RNASEH1: variants seen among roughly 807,000 people sequenced by gnomAD.
RNASEH1 encodes ribonuclease H type II.
RNASEH1 carries 27 observed loss-of-function variants against 34.6 expected under a neutral mutation model. That is an observed-to-expected ratio of 0.78 (90% CI 0.58 to 1.08). The LOEUF (loss-of-function observed/expected upper bound fraction) is 1.08, where lower values mean the gene tolerates loss of function less well. Ranked by LOEUF, RNASEH1 falls within the 50% of genes least tolerant of loss-of-function variation. The probability of loss-of-function intolerance (pLI) is 0.00; values close to 1 mark genes in which losing one functional copy is unlikely to be tolerated. For missense variants in RNASEH1, 349 were observed against 373.6 expected (o/e 0.93, Z 0.54); for synonymous variants, 162 against 138.4 (o/e 1.17, Z -1.20).
chr2:3,558,264 T>G lies in RNASEH1; in HGVS notation c.-4A>C. 6.3e-7 allele frequency: 1 copy of G among 1,577,032 alleles called. No individual in the cohort carries two copies. Among genetic ancestry groups the G allele is most frequent in the South Asian group, 1.2e-5 (1 of 86,690 alleles). Reference sequence around the variant, plus strand: ...CCAGGAACAGAAGCCAGCTCATCGCTCACTCCCGGCACCGGGAAGCATTTC... The same window carrying G: ...CCAGGAACAGAAGCCAGCTCATCGCGCACTCCCGGCACCGGGAAGCATTTC... On this transcript the variant is annotated 5_prime_UTR_variant, in exon 1 of 8. Transcript: ENST00000315212.
At chr2:3,557,911 T>G (rs1660680982) in intron 1 of RNASEH1, 1 of 1,521,598 alleles carries the variant, frequency 6.6e-7, no homozygotes, top group Admixed American at 2.0e-5. Flanking sequence ...GCGACGTTTC[T>G]GATATTTCAA....
intron 7 of RNASEH1, among the ~76,000 whole-genome samples, chr2:3,547,397 A>T (rs1414219344): frequency 6.6e-6 from 1 of 152,000 alleles, no homozygotes; most frequent in Non-Finnish European, 1.5e-5. Flanking sequence ...GCTGGTCTCG[A>T]ACTTCTTGGC....
At chr2:3,557,748 TA>T (rs1043412925) in intron 1 of RNASEH1, 1 of 665,812 alleles carries the variant, frequency 1.5e-6, no homozygotes, top group African/African-American at 1.9e-5. Flanking sequence ...AAGGGAAGAT[TA>T]GGTACTGAGT....
chr2:3,549,167 A>ATTC (rs1365865873), intron 4 of RNASEH1, 55 bp from the exon 5 acceptor site: 2 of 1,257,038 alleles, frequency 1.6e-6, no homozygotes, highest in South Asian at 2.4e-5. Flanking sequence ...TCTCAAAGTG[A>ATTC]TTCTTCTTAA....
At chr2:3,532,832 T>C in the RNASEH1 span, among the ~76,000 whole-genome samples, 1 of 152,164 alleles carries the variant, frequency 6.6e-6, no homozygotes, top group Admixed American at 6.5e-5. Context: ...CCTGATGTGC[T>C]GTAGAAATCA....
At chr2:3,553,856 G>C (rs1284041502) in intron 2 of RNASEH1, among the ~76,000 whole-genome samples, 2 of 152,178 alleles carry the variant, frequency 1.3e-5, no homozygotes, top group East Asian at 3.8e-4. Context: ...TCCGTCAACT[G>C]AATTAAACCC....
intron 2 of RNASEH1, 30 bp from the exon 3 acceptor site, chr2:3,552,338 G>A (rs1660022447): frequency 1.2e-6 from 2 of 1,601,584 alleles, no homozygotes; most frequent in Non-Finnish European, 1.7e-6. Flanking sequence ...TCGTGAGCTG[G>A]AAACAATGAA....
intron 2 of RNASEH1, among the ~76,000 whole-genome samples, chr2:3,555,499 C>T (rs1162988539): frequency 6.6e-6 from 1 of 152,214 alleles, no homozygotes; most frequent in Admixed American, 6.5e-5. Context: ...TGCAAACTAA[C>T]TCTTCAGGGA....
rs985176323 is a variant in RNASEH1 at position 3,544,182 on chromosome 2, C to T, written c.*1603G>A. ...CCCAAATAATTAATGGATCTTGGCA[C>T]TGAGCATCAGCTGCCGTCAACATGG... On this transcript the variant is annotated 3_prime_UTR_variant, in exon 8 of 8. Transcript: ENST00000315212. 6.6e-6 allele frequency among the ~76,000 whole-genome samples: 1 copy of T among 152,202 alleles called. No homozygotes were observed. Among genetic ancestry groups the T allele is most frequent in the Non-Finnish European group, 1.5e-5 (1 of 68,040 alleles).
intron 1 of RNASEH1, chr2:3,557,850 CA>C (rs1276363716): frequency 7.0e-7 from 1 of 1,430,814 alleles, no homozygotes; most frequent in East Asian, 3.3e-5. Context: ...TTAACTGCAA[CA>C]AAGATGGAGG....
chr2:3,554,367 T>C (rs1354908093), intron 2 of RNASEH1, among the ~76,000 whole-genome samples: 1 of 150,980 alleles, frequency 6.6e-6, no homozygotes, highest in Non-Finnish European at 1.5e-5. Flanking sequence ...CAGATAAGAC[T>C]TGGAGGAAAA....
intron 5 of RNASEH1, 121 bp downstream of exon 5, chr2:3,548,936 AT>A (rs1297446235): frequency 2.1e-6 from 2 of 943,264 alleles, no homozygotes; most frequent in East Asian, 4.8e-5. Context: ...CAAAATTGTT[AT>A]TAAACCCGTC....
chr2:3,552,657 AG>A lies in RNASEH1; in HGVS notation c.245-350del, dbSNP rs566843060. 8.6e-5 allele frequency among the ~76,000 whole-genome samples: 13 copies of A among 150,500 alleles called. No homozygotes were observed. The East Asian group carries it at 2.4e-3, about 28-fold the overall frequency. On this transcript the variant is annotated intron_variant, in intron 2 of 7. Transcript: ENST00000315212. Reference sequence around the variant, plus strand: ...TCTCAATCCCCTCCACAGCATCTCAAGGGGCTCTTTCTCCAGGAAAAACATG... The same window carrying A: ...TCTCAATCCCCTCCACAGCATCTCAAGGGCTCTTTCTCCAGGAAAAACATG...
chr2:3,558,011 C>A, intron 1 of RNASEH1, 122 bp downstream of exon 1: 1 of 1,483,914 alleles, frequency 6.7e-7, no homozygotes, highest in Non-Finnish European at 9.0e-7. Flanking sequence ...CCCGACCACC[C>A]ACAGCCACAG....
chr2:3,549,077 T>C lies in RNASEH1; in HGVS notation c.545A>G (p.Asn182Ser). ...VGIRLPGRQTNQRAEIHAACK... is the reference protein window; with the variant it reads ...VGIRLPGRQTSQRAEIHAACK... ...ACTTACATGAATTTCCGCTCTTTGG[T>C]TTGTCTGCCGCCCAGGAAGTCTAAT... The change falls in exon 5 of 8, where the codon AAC (asparagine) becomes AGC (serine). Residue 182 changes from asparagine (N) to serine (S), a missense_variant. Coordinates refer to ENST00000315212, the MANE Select transcript of RNASEH1 (RefSeq NM_002936.6). 1 of 1,613,826 alleles carries C rather than the reference T, an allele frequency of 6.2e-7. No individual in the cohort carries two copies. The highest frequency in any genetic ancestry group is 8.5e-7 in the Non-Finnish European group (1 of 1,179,730).
At chr2:3,553,001 G>C (rs983288460) in intron 2 of RNASEH1, among the ~76,000 whole-genome samples, 1 of 152,076 alleles carries the variant, frequency 6.6e-6, no homozygotes, top group African/African-American at 2.4e-5. Flanking sequence ...AAGGAAAACA[G>C]GGCTGGGAAG....
At chr2:3,553,350 T>C (rs1051011266) in intron 2 of RNASEH1, among the ~76,000 whole-genome samples, 3 of 151,884 alleles carry the variant, frequency 2.0e-5, no homozygotes, top group Non-Finnish European at 4.4e-5. Flanking sequence ...GTTTTTCTTC[T>C]GCAACGAAGT....
downstream of RNASEH1, among the ~76,000 whole-genome samples, chr2:3,539,044 G>T (rs868025619): frequency 2.0e-5 from 3 of 151,790 alleles, no homozygotes; most frequent in African/African-American, 7.3e-5. Flanking sequence ...TGAGTTGTTA[G>T]TTTTTTTTCA....
the RNASEH1 span, among the ~76,000 whole-genome samples, chr2:3,535,447 G>A: frequency 3.4e-4 from 48 of 140,506 alleles, no homozygotes; most frequent in Admixed American, 1.0e-3. Context: ...AAAAAAAAAA[G>A]GTTAAGATGT....
Sources: gnomAD v4.1 joint callset for allele counts (sites outside exome capture counted in the v4.1 genomes callset) on GRCh38, gnomAD v4.1.1 for gene constraint, MANE v1.5 for transcripts, NCBI Gene and HGNC (gene_info 2026-07-23, HGNC 2026-07-21) for gene names.